SEC63: variants seen among roughly 807,000 people sequenced by gnomAD.
SEC63 encodes SEC63 protein translocation regulator.
In SEC63, 56 loss-of-function variants were observed where a neutral mutation model predicts 116.2. The observed-to-expected ratio is 0.48, with a 90% CI of 0.39 to 0.60. The LOEUF is 0.60. Among genes scored for constraint, SEC63 ranks in the 20% least tolerant of loss-of-function variants. The probability of loss-of-function intolerance (pLI) is 0.00; values close to 1 mark genes in which losing one functional copy is unlikely to be tolerated. For synonymous variants in SEC63, 273 were observed against 294.6 expected (o/e 0.93, Z 0.75); for missense variants, 668 against 900.0 (o/e 0.74, Z 3.30).
intron 1 of SEC63, among the ~76,000 whole-genome samples, chr6:107,943,209 ACAG>A (rs1192226138): frequency 1.2e-4 from 18 of 152,254 alleles, no homozygotes; most frequent in African/African-American, 4.3e-4. Flanking sequence ...TAAAATTATT[ACAG>A]TAGTATACAC....
intron 7 of SEC63, 31 bp downstream of exon 7, chr6:107,911,315 A>G (rs1305375732): frequency 6.6e-7 from 1 of 1,506,052 alleles, no homozygotes; most frequent in Non-Finnish European, 9.2e-7. Flanking sequence ...CCTTTCCAAA[A>G]AAAACATTAA....
chr6:107,871,266 C>T lies in SEC63; in HGVS notation c.*438G>A, dbSNP rs1583716441. On this transcript the variant is annotated 3_prime_UTR_variant, in exon 21 of 21. Transcript: ENST00000369002. ...ACAGAGCTTATCAAGAGATTATCAA[C>T]TTGAGCGATGTTACTTAAACTTGAG... The T allele has an allele frequency of 1.1e-5, 2 of 185,254 alleles. No individual in the cohort carries two copies. Among genetic ancestry groups the T allele is most frequent in the East Asian group, 1.4e-4 (1 of 7,046 alleles). The allele number at this position is 185,254 out of a possible 1,614,324, so 11.5% of individuals were successfully genotyped here. A position where few individuals can be genotyped will look rare whatever the true frequency, so the allele number is the denominator to read the frequency against.
At chr6:107,915,501 A>G (rs977587608) in intron 4 of SEC63, among the ~76,000 whole-genome samples, 4 of 152,176 alleles carry the variant, frequency 2.6e-5, no homozygotes, top group African/African-American at 9.6e-5. Flanking sequence ...TAAGGTGACA[A>G]CAACGCTGCC....
intron 1 of SEC63, among the ~76,000 whole-genome samples, chr6:107,938,559 CT>C (rs1300561502): frequency 1.4e-5 from 2 of 146,666 alleles, no homozygotes; most frequent in Non-Finnish European, 3.0e-5. Flanking sequence ...TAAGTCACTT[CT>C]TTTTTCTTTT....
chr6:107,884,303 T>G (rs147640369), intron 16 of SEC63, among the ~76,000 whole-genome samples: 185 of 145,584 alleles, frequency 1.3e-3, no homozygotes, highest in African/African-American at 4.5e-3. Context: ...AACTTAAAAC[T>G]AAAAGTTGGT....
At chr6:107,911,244 A>G (rs558948615) in intron 7 of SEC63, 102 bp downstream of exon 7, 2 of 818,246 alleles carry the variant, frequency 2.4e-6, no homozygotes, top group East Asian at 2.6e-5. Context: ...TCAAGGATCA[A>G]TGGGTTATAT....
intron 2 of SEC63, 133 bp downstream of exon 2, chr6:107,929,279 TCTC>T (rs1375628087): frequency 9.5e-5 from 57 of 601,612 alleles, no homozygotes; most frequent in African/African-American, 3.3e-4. Flanking sequence ...TCCCACATTT[TCTC>T]CTATCTTACC....
At position 107,880,036 on chromosome 6, in the gene SEC63, T is replaced by C. The variant is rs575619117; in HGVS notation, c.1935+1113A>G. Among the ~76,000 whole-genome samples, 7 of 152,348 alleles carry C rather than the reference T, an allele frequency of 4.6e-5. 1 individual carries two copies. The South Asian group carries it at 1.4e-3, about 32-fold the overall frequency. On this transcript the variant is annotated intron_variant, in intron 18 of 20. Transcript: ENST00000369002. ...TTTATACCAATCAATGAATGGAATTTACTTGCTTCATTTCAGGATGCTTGG... is the reference window on the plus strand; with the variant it reads ...TTTATACCAATCAATGAATGGAATTCACTTGCTTCATTTCAGGATGCTTGG...
At chr6:107,910,226 G>A (rs1174093293) in intron 7 of SEC63, among the ~76,000 whole-genome samples, 1 of 152,162 alleles carries the variant, frequency 6.6e-6, no homozygotes, top group East Asian at 1.9e-4. Flanking sequence ...AGTACTTTGA[G>A]AGGCCGAGGC....
At chr6:107,955,126 A>G (rs1770685062) in intron 1 of SEC63, among the ~76,000 whole-genome samples, 1 of 152,184 alleles carries the variant, frequency 6.6e-6, no homozygotes, top group African/African-American at 2.4e-5. Context: ...GTTCAACCAT[A>G]CAGGAAAATT....
chr6:107,885,004 A>C (rs2114410564), intron 16 of SEC63, among the ~76,000 whole-genome samples: 1 of 152,308 alleles, frequency 6.6e-6, no homozygotes, highest in South Asian at 2.1e-4. Context: ...AAATAAAAGG[A>C]AACATTTCCT....
At position 107,901,434 on chromosome 6, in the gene SEC63, T is replaced by G; in HGVS notation, c.1293A>C (p.Lys431Asn). 6.2e-7 allele frequency: 1 copy of G among 1,613,042 alleles called. No homozygotes were observed. The highest frequency in any genetic ancestry group is 8.5e-7 in the Non-Finnish European group (1 of 1,179,230). ...CAAGGACAGCCATAACCTCTTCATA[T>G]TTTTCATCTTCAAGGAAGTGCAGTA... ...HTLLHFLEDE[K>N]YEEVMAVLGS... Residue 431 changes from lysine to asparagine, a missense_variant, in exon 13 of 21, where the codon AAA (lysine) becomes AAC (asparagine). Physicochemically the swap from Lys to Asn is moderately conservative, Grantham distance 94. Coordinates refer to ENST00000369002, the MANE Select transcript of SEC63 (RefSeq NM_007214.5).
Position 107,904,640 on chromosome 6 carries a change from C to T in SEC63, c.1043G>A (p.Arg348Gln), listed in dbSNP as rs371164630. 8.4e-5 allele frequency: 136 copies of T among 1,610,036 alleles called. No individual in the cohort carries two copies. Among genetic ancestry groups the T allele is most frequent in the Admixed American group, 3.7e-4 (22 of 59,994 alleles). The change falls in exon 11 of 21, where the codon CGG (arginine) becomes CAG (glutamine). Residue 348 changes from arginine (R) to glutamine (Q), a missense_variant. By Grantham distance (43) the Arg-to-Gln change is conservative (BLOSUM62 1). This residue lies in a region of SEC63 where 430 missense variants were observed against 557.5 expected (regional missense o/e 0.77). Transcript: ENST00000369002. ...TATTTCCTCCTCACCTTCACGGTTCCGGGCCATTACTATTAGTTGGCAGAT... is the reference window on the plus strand; with the variant it reads ...TATTTCCTCCTCACCTTCACGGTTCTGGGCCATTACTATTAGTTGGCAGAT... Reference protein sequence around the residue: ...NVICQLIVMARNREEREFRAP... With the variant: ...NVICQLIVMAQNREEREFRAP...
intron 2 of SEC63, among the ~76,000 whole-genome samples, chr6:107,926,064 C>A (rs545080563): frequency 2.0e-5 from 3 of 152,250 alleles, no homozygotes; most frequent in Admixed American, 2.0e-4. Context: ...GTGATCCGCT[C>A]GCCTCAGCCT....
In SEC63 at chr6:107,897,742, G is replaced by A; in HGVS notation, c.1358-11C>T. On this transcript the variant is annotated splice_polypyrimidine_tract_variant and intron_variant, in intron 13 of 20. Transcript: ENST00000369002. Reference sequence around the variant, plus strand: ...CTTCATCATCTAACACTGTTAAGATGGAAGAAAAAAAACAGCAAAAAATAA... The same window carrying A: ...CTTCATCATCTAACACTGTTAAGATAGAAGAAAAAAAACAGCAAAAAATAA... 6.4e-7 allele frequency: 1 copy of A among 1,570,854 alleles called. No individual in the cohort carries two copies. The highest frequency in any genetic ancestry group is 1.4e-5 in the African/African-American group (1 of 73,964).
At position 107,897,690 on chromosome 6, in the gene SEC63, AG is replaced by A; in HGVS notation, c.1398del (p.Leu467Ter). 6.2e-7 allele frequency: 1 copy of A among 1,610,820 alleles called. No homozygotes were observed. The highest frequency in any genetic ancestry group is 8.5e-7 in the Non-Finnish European group (1 of 1,177,160). The stretch of plus-strand genomic sequence containing the variant: ...GTCAACTTAACCAACACTGTAACTA[AG>A]GATCCTACTGTGATGTTGTTGCTAT... ...DEDSNNITVG[S>X]LVTVLVKLTR... is the part of the protein sequence containing the mutation. On this transcript the variant is annotated frameshift_variant, in exon 14 of 21. Coordinates refer to ENST00000369002, the MANE Select transcript of SEC63 (RefSeq NM_007214.5). LOFTEE classifies it high-confidence loss of function.
At chr6:107,890,608 A>G (rs985878240) in intron 16 of SEC63, among the ~76,000 whole-genome samples, 1 of 152,190 alleles carries the variant, frequency 6.6e-6, no homozygotes, top group African/African-American at 2.4e-5. Flanking sequence ...TGATCCTGCC[A>G]TTATGATGCT....
chr6:107,890,242 C>G (rs776860905), intron 16 of SEC63, among the ~76,000 whole-genome samples: 5 of 151,918 alleles, frequency 3.3e-5, no homozygotes, highest in Non-Finnish European at 7.4e-5. Flanking sequence ...CTTTATGAAT[C>G]TGGGTACTCC....
chr6:107,887,659 T>C (rs1474468170), intron 16 of SEC63, among the ~76,000 whole-genome samples: 1 of 151,976 alleles, frequency 6.6e-6, no homozygotes, highest in Non-Finnish European at 1.5e-5. Flanking sequence ...GATGACGAGT[T>C]AGTGGGTGCA....
Sources: gnomAD v4.1 joint callset for allele counts (sites outside exome capture counted in the v4.1 genomes callset) on GRCh38, gnomAD v4.1.1 for gene constraint, gnomAD v4.1.1 regional missense constraint, MANE v1.5 for transcripts, NCBI Gene and HGNC (gene_info 2026-07-23, HGNC 2026-07-21) for gene names.